ST8SIA4: variants seen among roughly 807,000 people sequenced by gnomAD.
The protein encoded by ST8SIA4 is CMP-N-acetylneuraminate-poly-alpha-2,8-sialyltransferase.
Under a neutral mutation model 33.9 loss-of-function variants are expected in ST8SIA4, and 15 were observed. That is an observed-to-expected ratio of 0.44 (90% CI 0.30 to 0.68). The LOEUF (loss-of-function observed/expected upper bound fraction) is 0.68. ST8SIA4 is among the 30% of genes least tolerant of loss of function. The pLI, the probability that ST8SIA4 is intolerant of heterozygous loss-of-function variation, is 0.10. For synonymous variants in ST8SIA4, 171 were observed against 151.2 expected (o/e 1.13, Z -0.96); for missense variants, 321 against 428.0 (o/e 0.75, Z 2.21).
At chr5:100,826,804 A>G (rs545068541) in intron 4 of ST8SIA4, among the ~76,000 whole-genome samples, 4 of 152,136 alleles carry the variant, frequency 2.6e-5, no homozygotes, top group African/African-American at 7.2e-5. Context: ...TCCTATTCAG[A>G]ATAGTTATAT....
chr5:100,885,102 G>T (rs940682439), intron 3 of ST8SIA4, among the ~76,000 whole-genome samples: 1 of 149,674 alleles, frequency 6.7e-6, no homozygotes, highest in African/African-American at 2.4e-5. Context: ...CATAGACTTC[G>T]ACATTTGAAG....
chr5:100,902,963 G>A lies in ST8SIA4; in HGVS notation c.-8C>T, dbSNP rs1170007134. ...CTTCCTAATGGAGCGCATCTTGGGT[G>A]CCCGAGAAAGTCCTGGTTGCCCCAG... On this transcript the variant is annotated 5_prime_UTR_variant, in exon 1 of 5. Coordinates refer to ENST00000231461, the MANE Select transcript of ST8SIA4 (RefSeq NM_005668.6). 1 of 1,608,766 alleles carries A rather than the reference G, an allele frequency of 6.2e-7. No individual in the cohort carries two copies.
chr5:100,841,031 CA>C (rs1034981369), intron 4 of ST8SIA4, among the ~76,000 whole-genome samples: 27 of 151,442 alleles, frequency 1.8e-4, no homozygotes, highest in Non-Finnish European at 1.5e-4. Flanking sequence ...ATGAGAAAGC[CA>C]AAATAAGGGA....
Position 100,811,319 on chromosome 5 carries a change from C to CA in ST8SIA4, c.*527dup, listed in dbSNP as rs3842024. On this transcript the variant is annotated 3_prime_UTR_variant, in exon 5 of 5. Coordinates refer to ENST00000231461, the MANE Select transcript of ST8SIA4 (RefSeq NM_005668.6). ...CCAAACCAAAAGAGATTCCAGAAGACAAAAAAAAAACATAAATTAAAACAT... is the reference window on the plus strand; with the variant it reads ...CCAAACCAAAAGAGATTCCAGAAGACAAAAAAAAAAACATAAATTAAAACAT... 0.59 allele frequency: 88,921 copies of CA among 149,716 alleles called. 26,521 individuals carry two copies. Among genetic ancestry groups the CA allele is most frequent in the South Asian group, 0.72 (3,414 of 4,750 alleles). The allele number at this position is 149,716 out of a possible 1,614,324, so 9.3% of individuals were successfully genotyped here. A position where few individuals can be genotyped will look rare whatever the true frequency, so the allele number is the denominator to read the frequency against.
At chr5:100,858,052 G>T (rs1165162102) in intron 3 of ST8SIA4, among the ~76,000 whole-genome samples, 1 of 151,920 alleles carries the variant, frequency 6.6e-6, no homozygotes, top group African/African-American at 2.4e-5. Context: ...AAAAAGATTT[G>T]CTGCATGCGA....
rs528822395 is a variant in ST8SIA4, at chr5:100,847,327, G to A, written c.797+8776C>T. Among the ~76,000 whole-genome samples the A allele has an allele frequency of 1.1e-3, 163 of 152,044 alleles. 1 individual carries two copies. The highest frequency in any genetic ancestry group is 3.8e-3 in the African/African-American group (157 of 41,516). ...TTGAATACTCCAAAACAATCCATTA[G>A]AGTGACTAATAAACTTGATTTCCTG... On this transcript the variant is annotated intron_variant, in intron 4 of 4. Transcript: ENST00000231461.
intron 3 of ST8SIA4, among the ~76,000 whole-genome samples, chr5:100,869,914 T>C (rs912143089): frequency 6.6e-6 from 1 of 152,192 alleles, no homozygotes; most frequent in African/African-American, 2.4e-5. Flanking sequence ...TTGTTACATA[T>C]GTATACATGT....
At chr5:100,882,959 TGG>T (rs1425447578) in intron 3 of ST8SIA4, among the ~76,000 whole-genome samples, 1 of 152,164 alleles carries the variant, frequency 6.6e-6, no homozygotes, top group Non-Finnish European at 1.5e-5. Context: ...AAGGGCAGTG[TGG>T]AAGGGAAATG....
chr5:100,870,352 T>G (rs1217264849), intron 3 of ST8SIA4, among the ~76,000 whole-genome samples: 1 of 152,178 alleles, frequency 6.6e-6, no homozygotes, highest in African/African-American at 2.4e-5. Flanking sequence ...TTGCTTCAGA[T>G]TCCTCTTCGT....
intron 4 of ST8SIA4, chr5:100,816,459 TAAA>T: frequency 1.9e-6 from 1 of 517,320 alleles, no homozygotes; most frequent in Non-Finnish European, 3.9e-6. Context: ...TATATTTAAA[TAAA>T]GAAGTCTAAA....
chr5:100,843,757 A>G (rs993012579), intron 4 of ST8SIA4, among the ~76,000 whole-genome samples: 1 of 151,962 alleles, frequency 6.6e-6, no homozygotes, highest in Non-Finnish European at 1.5e-5. Flanking sequence ...AGTCAGCCAT[A>G]CTGTTGCTCC....
rs529784065 is a variant in ST8SIA4 at position 100,845,117 on chromosome 5, T to C, written c.797+10986A>G. ...AAGTTGTGGCCTGAGGCTGTGATTATATGATCAACCACATGAGACACTAGA... is the reference window on the plus strand; with the variant it reads ...AAGTTGTGGCCTGAGGCTGTGATTACATGATCAACCACATGAGACACTAGA... On this transcript the variant is annotated intron_variant, in intron 4 of 4. Coordinates refer to ENST00000231461, the MANE Select transcript of ST8SIA4 (RefSeq NM_005668.6). Among the ~76,000 whole-genome samples the C allele has an allele frequency of 7.2e-5, 11 of 152,186 alleles. No individual in the cohort carries two copies. The East Asian group carries it at 2.1e-3, about 29-fold the overall frequency.
intron 4 of ST8SIA4, among the ~76,000 whole-genome samples, chr5:100,850,041 A>C (rs4702991): frequency 0.28 from 42,756 of 152,028 alleles, 6,256 homozygotes; most frequent in Non-Finnish European, 0.32. Context: ...TAACAAAAAC[A>C]AAAACTATTA....
intron 4 of ST8SIA4, among the ~76,000 whole-genome samples, chr5:100,828,357 T>C (rs1580452094): frequency 6.6e-6 from 1 of 152,196 alleles, no homozygotes. Context: ...CATTCACTCA[T>C]AGCTCCCTGA....
intron 4 of ST8SIA4, among the ~76,000 whole-genome samples, chr5:100,853,985 A>ATGTG (rs55821438): frequency 0.17 from 13,355 of 76,802 alleles, 678 homozygotes; most frequent in East Asian, 0.52. Flanking sequence ...GTGTGTGTGT[A>ATGTG]TGTGTGTGTG....
chr5:100,866,185 T>C (rs980051495), intron 3 of ST8SIA4, among the ~76,000 whole-genome samples: 3 of 152,156 alleles, frequency 2.0e-5, no homozygotes, highest in Non-Finnish European at 4.4e-5. Context: ...TCAATGAATT[T>C]ATCACACTGT....
intron 1 of ST8SIA4, among the ~76,000 whole-genome samples, chr5:100,899,362 G>A (rs1752848466): frequency 2.0e-5 from 3 of 152,120 alleles, no homozygotes; most frequent in Non-Finnish European, 2.9e-5. Context: ...AATGTGAAAT[G>A]TGAAGTAAAG....
chr5:100,847,835 G>T lies in ST8SIA4; in HGVS notation c.797+8268C>A, dbSNP rs543049197. On this transcript the variant is annotated intron_variant, in intron 4 of 4. Transcript: ENST00000231461. Reference sequence around the variant, plus strand: ...AATTGATCATTGTGGTGTAAAGTACGGGCACAGGTAGTTTAGAAAGGTATG... The same window carrying T: ...AATTGATCATTGTGGTGTAAAGTACTGGCACAGGTAGTTTAGAAAGGTATG... 1.2e-4 allele frequency among the ~76,000 whole-genome samples: 18 copies of T among 152,040 alleles called. No homozygotes were observed. In the South Asian group the frequency reaches 3.3e-3, roughly 28 times the overall value.
In ST8SIA4 at chr5:100,884,352, A is replaced by G. The variant is rs139899916; in HGVS notation, c.503+1991T>C. ...TAGAGCTGTGAAGGCAATACCATCA[A>G]GTGGCCAGTTGCTGCTTGGCCAGTG... On this transcript the variant is annotated intron_variant, in intron 3 of 4. Transcript: ENST00000231461. 1.8e-3 allele frequency among the ~76,000 whole-genome samples: 275 copies of G among 152,336 alleles called. 1 individual carries two copies. Among genetic ancestry groups the G allele is most frequent in the African/African-American group, 6.5e-3 (271 of 41,576 alleles).
Sources: gnomAD v4.1 joint callset for allele counts (sites outside exome capture counted in the v4.1 genomes callset) on GRCh38, gnomAD v4.1.1 for gene constraint, MANE v1.5 for transcripts, NCBI Gene and HGNC (gene_info 2026-07-23, HGNC 2026-07-21) for gene names.